Variants in SV2B observed in about 807,000 individuals in gnomAD.
SV2B encodes the protein solute carrier family 22 member B2.
Under a neutral mutation model 73.9 loss-of-function variants are expected in SV2B, and 41 were observed. That is an observed-to-expected ratio of 0.56 (90% CI 0.43 to 0.72). The LOEUF is 0.72. Among genes scored for constraint, SV2B ranks in the 30% least tolerant of loss-of-function variants. The probability of loss-of-function intolerance (pLI) is 0.00; values close to 1 mark genes in which losing one functional copy is unlikely to be tolerated. For synonymous variants in SV2B, 314 were observed against 314.2 expected (o/e 1.00, Z 0.01); for missense variants, 764 against 857.8 (o/e 0.89, Z 1.37).
intron 1 of SV2B, among the ~76,000 whole-genome samples, chr15:91,190,237 A>G (rs990867415): frequency 9.2e-5 from 14 of 152,100 alleles, no homozygotes; most frequent in African/African-American, 3.4e-4. Context: ...TCTTTTATCT[A>G]TCTACCTTGG....
chr15:91,137,756 T>C lies in SV2B; in HGVS notation c.-392+37393T>C, dbSNP rs571176415. Among the ~76,000 whole-genome samples, 7 of 151,734 alleles carry C rather than the reference T, an allele frequency of 4.6e-5. No homozygotes were observed. In the East Asian group the frequency reaches 1.3e-3, roughly 29 times the overall value. On this transcript the variant is annotated intron_variant, in intron 1 of 12. Transcript: ENST00000394232. This position sits in a 1 kb window ranked among gnomAD's most constrained non-coding sequence, Gnocchi z 4.9. ...TTAATTCATCGGAACACATCAAATA[T>C]GTTTAACCTGTAGGTTTATAATGGT...
intron 1 of SV2B, among the ~76,000 whole-genome samples, chr15:91,171,147 GA>G (rs2044108030): frequency 6.6e-6 from 1 of 152,130 alleles, no homozygotes; most frequent in African/African-American, 2.4e-5. Context: ...TTATGCTATG[GA>G]AAAGGCAGGG....
intron 1 of SV2B, among the ~76,000 whole-genome samples, chr15:91,184,186 C>G (rs921556875): frequency 4.6e-5 from 7 of 152,104 alleles, no homozygotes; most frequent in African/African-American, 1.7e-4. Context: ...AATAGAGTCC[C>G]CAAAAACCCT....
intron 1 of SV2B, among the ~76,000 whole-genome samples, chr15:91,169,189 A>G (rs2044028560): frequency 6.6e-6 from 1 of 152,046 alleles, no homozygotes; most frequent in South Asian, 2.1e-4. Flanking sequence ...CGTGGTTACT[A>G]CGCTCCAGGG....
intron 1 of SV2B, among the ~76,000 whole-genome samples, chr15:91,169,533 A>G (rs925779638): frequency 1.3e-5 from 2 of 151,822 alleles, no homozygotes; most frequent in Non-Finnish European, 2.9e-5. Context: ...TCACAGGAAA[A>G]CACCAGTTTT....
At chr15:91,201,044 T>G (rs2045441553) in intron 1 of SV2B, among the ~76,000 whole-genome samples, 1 of 152,238 alleles carries the variant, frequency 6.6e-6, no homozygotes, top group Admixed American at 6.5e-5. Flanking sequence ...TGGCTTTTGC[T>G]GCATTATTGG....
intron 1 of SV2B, among the ~76,000 whole-genome samples, chr15:91,138,200 G>A (rs1386081183): frequency 6.6e-6 from 1 of 152,154 alleles, no homozygotes; most frequent in Non-Finnish European, 1.5e-5. Context: ...ATCTGAGGCG[G>A]AGCATGTCCA....
At chr15:91,269,660 A>G (rs2048229570) in intron 9 of SV2B, among the ~76,000 whole-genome samples, 2 of 152,226 alleles carry the variant, frequency 1.3e-5, no homozygotes, top group Admixed American at 1.3e-4. Context: ...CCCAGGAAGG[A>G]TACCTCTTTC....
chr15:91,171,298 C>T (rs2044113942), intron 1 of SV2B, among the ~76,000 whole-genome samples: 1 of 152,164 alleles, frequency 6.6e-6, no homozygotes, highest in South Asian at 2.1e-4. Flanking sequence ...TACTACTTAC[C>T]TAATGGAGTT....
chr15:91,275,871 T>C (rs2048469006), intron 9 of SV2B, among the ~76,000 whole-genome samples: 1 of 152,160 alleles, frequency 6.6e-6, no homozygotes, highest in South Asian at 2.1e-4. Flanking sequence ...GAGATCTTCA[T>C]TTCTTTGTGA....
chr15:91,270,863 T>C (rs547195564), intron 9 of SV2B, among the ~76,000 whole-genome samples: 24 of 102,064 alleles, frequency 2.4e-4, no homozygotes, highest in Middle Eastern at 5.7e-3. Flanking sequence ...ATCCTGTGGA[T>C]GATGGGCGGA....
At chr15:91,112,182 T>G (rs1398329108) in intron 1 of SV2B, among the ~76,000 whole-genome samples, 2 of 151,814 alleles carry the variant, frequency 1.3e-5, no homozygotes, top group African/African-American at 4.8e-5. Flanking sequence ...AGAAGTTTGG[T>G]GAGAAGTAGC....
chr15:91,113,262 C>G (rs1263393019), intron 1 of SV2B, among the ~76,000 whole-genome samples: 1 of 152,228 alleles, frequency 6.6e-6, no homozygotes, highest in African/African-American at 2.4e-5. Flanking sequence ...GGCCACGTAA[C>G]AGTTTTGTTG....
At chr15:91,225,547 A>G (rs2046345823) in intron 1 of SV2B, among the ~76,000 whole-genome samples, 1 of 151,796 alleles carries the variant, frequency 6.6e-6, no homozygotes. Flanking sequence ...TTTTTTTATT[A>G]TTATACTTTA....
Position 91,229,963 on chromosome 15 carries a change from G to A in SV2B, c.451+3249G>A, listed in dbSNP as rs1187001631. Among the ~76,000 whole-genome samples the A allele has an allele frequency of 6.6e-6, 1 of 152,180 alleles. No individual in the cohort carries two copies. The highest frequency in any genetic ancestry group is 1.5e-5 in the Non-Finnish European group (1 of 68,020). ...TGTTTTAAAAAGAAACTCTCTGGTTGGGTGTGGTGGCCCATGCCTGTAATC... is the reference window on the plus strand; with the variant it reads ...TGTTTTAAAAAGAAACTCTCTGGTTAGGTGTGGTGGCCCATGCCTGTAATC... On this transcript the variant is annotated intron_variant, in intron 2 of 12. Transcript: ENST00000394232. This position sits in a 1 kb window ranked among gnomAD's most constrained non-coding sequence, Gnocchi z 4.3.
Position 91,299,624 on chromosome 15 carries a change from C to T in SV2B, c.*7072C>T, listed in dbSNP as rs193113235. 1.3e-4 allele frequency: 20 copies of T among 152,086 alleles called. No homozygotes were observed. The highest frequency in any genetic ancestry group is 4.1e-4 in the African/African-American group (17 of 41,492). 9.4% of individuals were successfully genotyped at this position (152,086 alleles called of 1,614,324 possible). The stretch of plus-strand genomic sequence containing the variant: ...TTAATAGAAGATTTCTGAAAGGTAG[C>T]GCAAGTTTTTATTTCATTATTTTTA... On this transcript the variant is annotated 3_prime_UTR_variant, in exon 13 of 13. Coordinates refer to ENST00000394232, the MANE Select transcript of SV2B (RefSeq NM_001323032.3).
intron 1 of SV2B, among the ~76,000 whole-genome samples, chr15:91,198,219 T>A (rs2045323108): frequency 6.6e-6 from 1 of 152,148 alleles, no homozygotes; most frequent in African/African-American, 2.4e-5. Flanking sequence ...AAGCCAATGT[T>A]AAGATTAGAT....
rs954755760 is a variant in SV2B, at chr15:91,288,721, A to G, written c.1709-800A>G. On this transcript the variant is annotated intron_variant, in intron 11 of 12. Transcript: ENST00000394232. The surrounding 1 kb of genome is among the most constrained non-coding windows in gnomAD (Gnocchi z 5.8). ...TTGACAGTGTCTTGCTCTGTCACCC[A>G]GGCTGGAGTACAGTGGCGCCATCTC... 1.3e-4 allele frequency among the ~76,000 whole-genome samples: 20 copies of G among 149,932 alleles called. No individual in the cohort carries two copies. The highest frequency in any genetic ancestry group is 4.7e-4 in the African/African-American group (19 of 40,528).
chr15:91,238,915 C>A (rs1005456836), intron 2 of SV2B, among the ~76,000 whole-genome samples: 5 of 152,066 alleles, frequency 3.3e-5, no homozygotes, highest in African/African-American at 9.7e-5. Flanking sequence ...CTCGGTGGAG[C>A]TCATGACTGC....
Sources: allele counts gnomAD v4.1 joint callset (sites outside exome capture counted in the v4.1 genomes callset), GRCh38; gene constraint gnomAD v4.1.1; non-coding constraint Gnocchi (gnomAD v3.1); transcripts MANE v1.5; gene names NCBI Gene and HGNC (gene_info 2026-07-23, HGNC 2026-07-21).